The following ASB3 variants were observed in gnomAD, a reference collection of about 807,000 sequenced individuals.
ASB3 encodes the protein ankyrin repeat and SOCS box containing 3.
ASB3 carries 41 observed loss-of-function variants against 54.5 expected under a neutral mutation model. The observed-to-expected ratio is 0.75, with a 90% CI of 0.59 to 0.98. ASB3 has a LOEUF of 0.98. Ranked by LOEUF, ASB3 falls within the 50% of genes least tolerant of loss-of-function variation. The pLI is 0.00. For synonymous variants in ASB3, 266 were observed against 221.2 expected (o/e 1.20, Z -1.80); for missense variants, 733 against 620.0 (o/e 1.18, Z -1.94).
intron 2 of ASB3, among the ~76,000 whole-genome samples, chr2:53,761,540 C>G (rs987639493): frequency 2.2e-4 from 34 of 152,196 alleles, no homozygotes; most frequent in African/African-American, 7.7e-4. Flanking sequence ...AGGACTCATA[C>G]CAGTGGCCTC....
intron 1 of ASB3, among the ~76,000 whole-genome samples, chr2:53,783,409 AC>A (rs1288826621): frequency 6.6e-6 from 1 of 152,218 alleles, no homozygotes; most frequent in Non-Finnish European, 1.5e-5. Context: ...ATTTGGAAGA[AC>A]CTATCTAAAT....
At chr2:53,696,037 G>C (rs1669164412) in intron 8 of ASB3, among the ~76,000 whole-genome samples, 1 of 152,104 alleles carries the variant, frequency 6.6e-6, no homozygotes, top group African/African-American at 2.4e-5. Context: ...ATGTAAATTT[G>C]ATCAAAGAAA....
chr2:53,753,364 G>A lies in ASB3; in HGVS notation c.197-2423C>T, dbSNP rs533130401. ...AAATAAACAGATGGCAGATCTGGGG[G>A]CCAGGTTTCTTACTGTTGGAGAGGA... On this transcript the variant is annotated intron_variant, in intron 2 of 9. Coordinates refer to ENST00000263634, the MANE Select transcript of ASB3 (RefSeq NM_016115.5). Among the ~76,000 whole-genome samples the A allele has an allele frequency of 3.4e-4, 52 of 152,258 alleles. 1 individual carries two copies. The South Asian group carries it at 9.7e-3, about 29-fold the overall frequency.
intron 3 of ASB3, among the ~76,000 whole-genome samples, chr2:53,741,646 T>C (rs767275871): frequency 1.3e-5 from 2 of 152,160 alleles, no homozygotes. Flanking sequence ...ACTGCTACCA[T>C]ATACTAGAAT....
chr2:53,688,502 T>C (rs367997933), intron 9 of ASB3, among the ~76,000 whole-genome samples: 4 of 152,228 alleles, frequency 2.6e-5, no homozygotes, highest in African/African-American at 9.6e-5. Flanking sequence ...AAGATAAAAA[T>C]GAAACGGAAC....
rs961626597 is a variant in ASB3, at chr2:53,786,926, G to C, written c.-119C>G. ...CGATCCCCACCGCGATGCTGCAGCC[G>C]TCCGAAAACGAGAGACGCGCAGGCG... is the stretch of plus-strand genomic sequence containing the variant. On this transcript the variant is annotated 5_prime_UTR_variant, in exon 1 of 10. Coordinates refer to ENST00000263634, the MANE Select transcript of ASB3 (RefSeq NM_016115.5). 2.5e-6 allele frequency: 1 copy of C among 400,958 alleles called. No homozygotes were observed. The highest frequency in any genetic ancestry group is 4.5e-6 in the Non-Finnish European group (1 of 223,884). The allele number at this position is 400,958 out of a possible 1,614,324, so 24.8% of individuals were successfully genotyped here. A position where few individuals can be genotyped will look rare whatever the true frequency, so the allele number is the denominator to read the frequency against.
rs570279458 is a variant in ASB3, at chr2:53,717,355, G to A, written c.605-612C>T. ...TAGATATGACATATATGGGAGCCAC[G>A]CCTTAAAACTAATATTGACTATACT... On this transcript the variant is annotated intron_variant, in intron 5 of 9. Coordinates refer to ENST00000263634, the MANE Select transcript of ASB3 (RefSeq NM_016115.5). Among the ~76,000 whole-genome samples the A allele has an allele frequency of 4.5e-4, 68 of 152,182 alleles. 1 individual carries two copies. In the South Asian group the frequency reaches 8.7e-3, roughly 20 times the overall value.
intron 9 of ASB3, among the ~76,000 whole-genome samples, chr2:53,684,964 T>C (rs1668558707): frequency 6.6e-6 from 1 of 152,196 alleles, no homozygotes; most frequent in South Asian, 2.1e-4. Flanking sequence ...AGGATCTTAA[T>C]GTCTTGGAGA....
rs537174274 is a variant in ASB3 at position 53,757,458 on chromosome 2, G to A, written c.197-6517C>T. 4.6e-5 allele frequency among the ~76,000 whole-genome samples: 7 copies of A among 152,326 alleles called. No individual in the cohort carries two copies. The South Asian group carries it at 1.0e-3, about 23-fold the overall frequency. On this transcript the variant is annotated intron_variant, in intron 2 of 9. Coordinates refer to ENST00000263634, the MANE Select transcript of ASB3 (RefSeq NM_016115.5). ...CGAAGTCTCTACTCAACAGTCGCCC[G>A]TGCATGCACCCCTACCTTTCCTTCT...
intron 7 of ASB3, 87 bp downstream of exon 7, chr2:53,714,295 TAA>T: frequency 6.7e-7 from 1 of 1,487,696 alleles, no homozygotes; most frequent in Non-Finnish European, 9.0e-7. Context: ...ACAGAGATAC[TAA>T]GTTTCATCGT....
At chr2:53,750,708 GA>G in intron 3 of ASB3, 74 bp downstream of exon 3, 2 of 1,389,404 alleles carry the variant, frequency 1.4e-6, no homozygotes, top group Non-Finnish European at 9.4e-7. Flanking sequence ...ACAGCTGAAG[GA>G]AAAATTAAGC....
At chr2:53,716,031 A>C (rs946508538) in intron 6 of ASB3, among the ~76,000 whole-genome samples, 1 of 152,180 alleles carries the variant, frequency 6.6e-6, no homozygotes, top group Non-Finnish European at 1.5e-5. Flanking sequence ...ATAGGTAGCC[A>C]TATTCTCACA....
chr2:53,742,612 G>T (rs1331959296), intron 3 of ASB3, among the ~76,000 whole-genome samples: 3 of 151,674 alleles, frequency 2.0e-5, no homozygotes, highest in Non-Finnish European at 4.4e-5. Flanking sequence ...GACAGGAAAT[G>T]ATATAATTTA....
chr2:53,746,395 A>C (rs1672224333), intron 3 of ASB3, among the ~76,000 whole-genome samples: 1 of 152,104 alleles, frequency 6.6e-6, no homozygotes, highest in East Asian at 1.9e-4. Context: ...ATCTAACTAA[A>C]GAGTTATATG....
intron 5 of ASB3, among the ~76,000 whole-genome samples, chr2:53,727,585 G>A (rs995224790): frequency 4.6e-5 from 7 of 152,208 alleles, no homozygotes; most frequent in Admixed American, 3.9e-4. Context: ...ACAATGAGCT[G>A]TGATCATACC....
intron 9 of ASB3, among the ~76,000 whole-genome samples, chr2:53,691,335 A>G (rs1668899987): frequency 6.6e-6 from 1 of 152,208 alleles, no homozygotes; most frequent in African/African-American, 2.4e-5. Context: ...AAAAAATGGG[A>G]GAAAAATATT....
chr2:53,755,437 G>A (rs929721856), intron 2 of ASB3, among the ~76,000 whole-genome samples: 7 of 152,176 alleles, frequency 4.6e-5, no homozygotes, highest in Non-Finnish European at 8.8e-5. Flanking sequence ...CAAACCACAA[G>A]GTTTTCAGTA....
At position 53,714,381 on chromosome 2, in the gene ASB3, T is replaced by C; in HGVS notation, c.980+3A>G. 6.2e-7 allele frequency: 1 copy of C among 1,614,040 alleles called. No individual in the cohort carries two copies. Among genetic ancestry groups the C allele is most frequent in the Non-Finnish European group, 8.5e-7 (1 of 1,179,974 alleles). On this transcript the variant is annotated splice_donor_region_variant and intron_variant, in intron 7 of 9. Transcript: ENST00000263634. Reference sequence around the variant, plus strand: ...AAAATAAAAACATAGCAAATATACATACTCCTTTTGGAAAGCCATGCACAC... The same window carrying C: ...AAAATAAAAACATAGCAAATATACACACTCCTTTTGGAAAGCCATGCACAC...
intron 9 of ASB3, among the ~76,000 whole-genome samples, chr2:53,685,579 T>C (rs994783630): frequency 1.3e-5 from 2 of 152,326 alleles, no homozygotes; most frequent in African/African-American, 4.8e-5. Context: ...TGGCCCATTA[T>C]CTTAACAGCC....
Sources: allele counts gnomAD v4.1 joint callset (sites outside exome capture counted in the v4.1 genomes callset), GRCh38; gene constraint gnomAD v4.1.1; transcripts MANE v1.5; gene names NCBI Gene and HGNC (gene_info 2026-07-23, HGNC 2026-07-21).